Variants in FCHO2 observed in about 807,000 individuals in gnomAD.
FCHO2 encodes F-BAR domain only protein 2.
A neutral mutation model predicts 114.1 loss-of-function variants in FCHO2; 43 were observed. The ratio of observed to expected loss-of-function variants is 0.38; its 90% CI spans 0.30 to 0.49. The LOEUF (loss-of-function observed/expected upper bound fraction) is 0.49, where lower values mean the gene tolerates loss of function less well. Among genes scored for constraint, FCHO2 ranks in the 20% least tolerant of loss-of-function variants. The pLI is 0.97. For synonymous variants in FCHO2, 293 were observed against 315.2 expected, an observed-to-expected ratio of 0.93 and a Z score of 0.75; for missense variants, 807 against 950.4, an observed-to-expected ratio of 0.85 and a Z score of 1.98.
intron 11 of FCHO2, among the ~76,000 whole-genome samples, chr5:73,043,210 G>A (rs1348605931): frequency 1.3e-5 from 2 of 152,118 alleles, no homozygotes; most frequent in East Asian, 3.9e-4. Context: ...GGGATTACAG[G>A]TGTGAACCAC....
intron 5 of FCHO2, among the ~76,000 whole-genome samples, chr5:72,991,408 A>G (rs1753805020): frequency 6.6e-6 from 1 of 152,214 alleles, no homozygotes; most frequent in Non-Finnish European, 1.5e-5. Flanking sequence ...TTTTCAGGAT[A>G]TTTTTGTAGT....
intron 8 of FCHO2, among the ~76,000 whole-genome samples, chr5:73,033,782 G>T (rs1025354987): frequency 1.3e-5 from 2 of 152,022 alleles, no homozygotes; most frequent in Non-Finnish European, 2.9e-5. Flanking sequence ...TTCATGTTTT[G>T]CTACTTTCTC....
At chr5:72,982,937 AGAG>A (rs1753298090) in intron 2 of FCHO2, among the ~76,000 whole-genome samples, 1 of 140,090 alleles carries the variant, frequency 7.1e-6, no homozygotes, top group Non-Finnish European at 1.6e-5. Context: ...TTTTTCAGAC[AGAG>A]TATCTCTCTG....
chr5:72,980,337 G>T (rs1229149000), intron 2 of FCHO2, among the ~76,000 whole-genome samples: 2 of 152,080 alleles, frequency 1.3e-5, no homozygotes, highest in African/African-American at 4.8e-5. Flanking sequence ...CCGTTCTTTT[G>T]CATTTGCTGA....
At chr5:73,079,578 G>C (rs1020062383) in intron 22 of FCHO2, among the ~76,000 whole-genome samples, 1 of 151,980 alleles carries the variant, frequency 6.6e-6, no homozygotes, top group African/African-American at 2.4e-5. Flanking sequence ...GTGTATCAAA[G>C]GTTTAATAAT....
rs115324801 is a variant in FCHO2 at position 73,070,572 on chromosome 5, T to C, written c.1579+1793T>C. On this transcript the variant is annotated intron_variant, in intron 19 of 25. Coordinates refer to ENST00000430046, the MANE Select transcript of FCHO2 (RefSeq NM_138782.3). ...ACCTTATTTTCGCTTTAGGTTTTTT[T>C]TTTTTTTTTCCAGTTATCTTTAGAT... Among the ~76,000 whole-genome samples, 285 of 151,914 alleles carry C rather than the reference T, an allele frequency of 1.9e-3. 3 individuals are homozygous for C. The highest frequency in any genetic ancestry group is 6.5e-3 in the African/African-American group (268 of 41,516).
At chr5:73,075,923 A>G (rs750104517) in intron 20 of FCHO2, among the ~76,000 whole-genome samples, 3 of 152,130 alleles carry the variant, frequency 2.0e-5, no homozygotes, top group Non-Finnish European at 4.4e-5. Flanking sequence ...GGCTAGAGAT[A>G]AAATACTTGG....
At chr5:73,068,925 G>C in intron 19 of FCHO2, 146 bp downstream of exon 19, 1 of 927,296 alleles carries the variant, frequency 1.1e-6, no homozygotes, top group East Asian at 3.0e-5. Flanking sequence ...TTATTAAACT[G>C]TCCATGCTTT....
chr5:73,049,512 G>T (rs1419523611), intron 11 of FCHO2, among the ~76,000 whole-genome samples: 2 of 151,526 alleles, frequency 1.3e-5, no homozygotes, highest in African/African-American at 4.9e-5. Context: ...TCACATATTT[G>T]TGATATCTGT....
rs191688422 is a variant in FCHO2 at position 73,012,388 on chromosome 5, C to T, written c.601-3238C>T. ...CTGTAATCCCAGCGCTTTGGGAGGC[C>T]GCGGCAGGTGGATCACGAGGTCAAG... On this transcript the variant is annotated intron_variant, in intron 6 of 25. Coordinates refer to ENST00000430046, the MANE Select transcript of FCHO2 (RefSeq NM_138782.3). Among the ~76,000 whole-genome samples, 27 of 152,054 alleles carry T rather than the reference C, an allele frequency of 1.8e-4. No individual in the cohort carries two copies. In the East Asian group the frequency reaches 4.8e-3, roughly 27 times the overall value.
intron 11 of FCHO2, among the ~76,000 whole-genome samples, chr5:73,047,173 T>G (rs182579477): frequency 6.6e-6 from 1 of 152,324 alleles, no homozygotes; most frequent in East Asian, 1.9e-4. Context: ...GTGCATGTGT[T>G]TATATGTGTA....
intron 11 of FCHO2, among the ~76,000 whole-genome samples, chr5:73,043,647 T>C (rs1209642914): frequency 6.6e-6 from 1 of 152,180 alleles, no homozygotes; most frequent in East Asian, 1.9e-4. Flanking sequence ...ATAGATGTTA[T>C]AAAGGATTAA....
chr5:73,064,538 A>T lies in FCHO2; in HGVS notation c.1449+594A>T, dbSNP rs150355627. Among the ~76,000 whole-genome samples the T allele has an allele frequency of 1.2e-4, 19 of 152,176 alleles. 1 individual carries two copies. The East Asian group carries it at 3.1e-3, about 25-fold the overall frequency. On this transcript the variant is annotated intron_variant, in intron 18 of 25. Coordinates refer to ENST00000430046, the MANE Select transcript of FCHO2 (RefSeq NM_138782.3). ...CATCTTCTACACTAATTGCCAGTTT[A>T]ATTACCAGAATTAAATTTCTAAGTC...
At chr5:73,039,961 AAG>A (rs1756728800) in intron 10 of FCHO2, among the ~76,000 whole-genome samples, 1 of 142,546 alleles carries the variant, frequency 7.0e-6, no homozygotes, top group Non-Finnish European at 1.6e-5. Flanking sequence ...AAAAAAGAAG[AAG>A]AAAGAAAGTC....
chr5:73,017,380 A>T (rs765361267), intron 8 of FCHO2, 72 bp downstream of exon 8: 5 of 912,080 alleles, frequency 5.5e-6, no homozygotes, highest in Non-Finnish European at 8.1e-6. Context: ...TGCCTTGAAG[A>T]TCATGTGGGT....
intron 3 of FCHO2, 65 bp downstream of exon 3, chr5:72,989,566 C>G: frequency 7.8e-7 from 1 of 1,286,720 alleles, no homozygotes; most frequent in Middle Eastern, 1.9e-4. Context: ...TTCTAGGTTC[C>G]TTTTGAGGAC....
chr5:73,082,996 C>T (rs1743171155), intron 24 of FCHO2, among the ~76,000 whole-genome samples, 171 bp downstream of exon 24: 1 of 151,924 alleles, frequency 6.6e-6, no homozygotes, highest in South Asian at 2.1e-4. Context: ...GCCTCAGACT[C>T]CTGAGTAGCT....
chr5:72,997,175 A>G, intron 5 of FCHO2: 1 of 1,116,500 alleles, frequency 9.0e-7, no homozygotes, highest in African/African-American at 1.5e-5. Context: ...CTGGCCTGGA[A>G]CGCCTCCTGA....
intron 8 of FCHO2, among the ~76,000 whole-genome samples, chr5:73,018,906 A>G (rs973830483): frequency 1.3e-5 from 2 of 152,204 alleles, no homozygotes; most frequent in Non-Finnish European, 2.9e-5. Flanking sequence ...AAGCAAGGAA[A>G]CAAGCACGCA....
Sources: allele counts gnomAD v4.1 joint callset (sites outside exome capture counted in the v4.1 genomes callset), GRCh38; gene constraint gnomAD v4.1.1; transcripts MANE v1.5; gene names NCBI Gene and HGNC (gene_info 2026-07-23, HGNC 2026-07-21).